BABAM2: variants seen among roughly 807,000 people sequenced by gnomAD.
The protein encoded by BABAM2 is BRISC and BRCA1-A complex member 2.
BABAM2 carries 31 observed loss-of-function variants against 54.7 expected under a neutral mutation model. The ratio of observed to expected loss-of-function variants is 0.57; its 90% CI spans 0.43 to 0.77. The LOEUF (loss-of-function observed/expected upper bound fraction) is 0.77. Ranked by LOEUF, BABAM2 falls within the 30% of genes least tolerant of loss-of-function variation. The probability of loss-of-function intolerance (pLI) is 0.00; values close to 1 mark genes in which losing one functional copy is unlikely to be tolerated. For synonymous variants in BABAM2, 167 were observed against 162.9 expected, an observed-to-expected ratio of 1.03 and a Z score of -0.19; for missense variants, 364 against 455.8, an observed-to-expected ratio of 0.80 and a Z score of 1.83.
chr2:28,297,871 T>G (rs1161885361), intron 10 of BABAM2, among the ~76,000 whole-genome samples: 3 of 152,216 alleles, frequency 2.0e-5, no homozygotes, highest in Non-Finnish European at 4.4e-5. Context: ...AAACAGCCTC[T>G]GTCCCACTGC....
chr2:28,136,330 T>C (rs1670535619), intron 7 of BABAM2, among the ~76,000 whole-genome samples: 1 of 152,238 alleles, frequency 6.6e-6, no homozygotes. Flanking sequence ...ATGCCTCCTT[T>C]GTCATATTGC....
At chr2:28,317,915 G>A (rs778798648) in intron 11 of BABAM2, among the ~76,000 whole-genome samples, 6 of 152,174 alleles carry the variant, frequency 3.9e-5, no homozygotes, top group African/African-American at 9.6e-5. Flanking sequence ...GGCTGTAACC[G>A]ATGGTTATAT....
intron 7 of BABAM2, among the ~76,000 whole-genome samples, chr2:28,129,932 C>T (rs982063315): frequency 1.3e-5 from 2 of 152,146 alleles, no homozygotes; most frequent in African/African-American, 2.4e-5. Context: ...AGTTTGATAT[C>T]GCATTTGTGT....
intron 5 of BABAM2, among the ~76,000 whole-genome samples, chr2:28,026,853 TATATATATAG>T (rs1558667149): frequency 3.1e-4 from 4 of 12,778 alleles, no homozygotes; most frequent in Non-Finnish European, 5.4e-4. Context: ...AATATATATT[TATATATATAG>T]ATATATATAT....
At chr2:28,208,029 C>CTGTGTGTGTG (rs4043353) in intron 7 of BABAM2, among the ~76,000 whole-genome samples, 1 of 149,716 alleles carries the variant, frequency 6.7e-6, no homozygotes, top group African/African-American at 2.5e-5. Context: ...GTGTTAAAGG[C>CTGTGTGTGTG]TGTGTGTGTG....
intron 2 of BABAM2, among the ~76,000 whole-genome samples, chr2:27,895,622 A>G (rs892036048): frequency 6.6e-6 from 1 of 152,144 alleles, no homozygotes; most frequent in African/African-American, 2.4e-5. Flanking sequence ...TTCTCCTTGT[A>G]ATTAGTTAAG....
At chr2:28,028,395 AC>A (rs1676033901) in intron 5 of BABAM2, among the ~76,000 whole-genome samples, 1 of 149,882 alleles carries the variant, frequency 6.7e-6, no homozygotes. Flanking sequence ...ACACACCTAC[AC>A]CCCCCGCCCC....
chr2:28,043,833 G>A (rs908017619), intron 5 of BABAM2, among the ~76,000 whole-genome samples: 1 of 152,182 alleles, frequency 6.6e-6, no homozygotes, highest in African/African-American at 2.4e-5. Flanking sequence ...TAGATCCTTA[G>A]TGGCTCTTAA....
At chr2:27,896,863 A>G in intron 2 of BABAM2, 1 of 206,034 alleles carries the variant, frequency 4.9e-6, no homozygotes, top group South Asian at 6.9e-5. Context: ...GGTGACAGGG[A>G]GCTCGTGGTC....
rs1401761393 is a variant in BABAM2 at position 28,082,552 on chromosome 2, T to C, written c.570+36753T>C. 5.9e-5 allele frequency among the ~76,000 whole-genome samples: 9 copies of C among 152,230 alleles called. No homozygotes were observed. The South Asian group carries it at 1.9e-3, about 32-fold the overall frequency. ...CTAATACCTGTCTCACAGTGTTAAG[T>C]TGTGAGGATGAAATAAAATAATGCC... On this transcript the variant is annotated intron_variant, in intron 6 of 11. Coordinates refer to ENST00000379624, the MANE Select transcript of BABAM2 (RefSeq NM_199191.3).
At chr2:28,327,530 A>C in intron 11 of BABAM2, 1 of 1,436,216 alleles carries the variant, frequency 7.0e-7, no homozygotes, top group Non-Finnish European at 9.3e-7. Context: ...GATCTCAGTC[A>C]GTTGTTGTTG....
At chr2:28,140,384 C>T (rs1415843717) in intron 7 of BABAM2, among the ~76,000 whole-genome samples, 1 of 152,024 alleles carries the variant, frequency 6.6e-6, no homozygotes, top group East Asian at 1.9e-4. Context: ...TTTATATGGG[C>T]ATAGGAGAAG....
chr2:27,948,372 T>C (rs989549194), intron 3 of BABAM2, among the ~76,000 whole-genome samples: 5 of 152,318 alleles, frequency 3.3e-5, no homozygotes, highest in Middle Eastern at 3.4e-3. Flanking sequence ...TAGAAAATTA[T>C]GCCATCTGTG....
At chr2:27,946,927 C>T (rs538403231) in intron 3 of BABAM2, among the ~76,000 whole-genome samples, 2 of 152,102 alleles carry the variant, frequency 1.3e-5, no homozygotes, top group African/African-American at 4.8e-5. Flanking sequence ...CCTGTGTGAC[C>T]TGTACTCATT....
chr2:27,928,833 A>G (rs549264490), intron 2 of BABAM2, among the ~76,000 whole-genome samples: 1 of 152,114 alleles, frequency 6.6e-6, no homozygotes, highest in South Asian at 2.1e-4. Flanking sequence ...AGTTGAACTT[A>G]TGACTTCTAA....
rs898489232 is a variant in BABAM2, at chr2:27,946,838, G to T, written c.205+16930G>T. ...GAGTTTTTACAGCCTTGTCTTTTAA[G>T]GAATTTGTTCATTTCATCCAAGTTG... On this transcript the variant is annotated intron_variant, in intron 3 of 11. Coordinates refer to ENST00000379624, the MANE Select transcript of BABAM2 (RefSeq NM_199191.3). Among the ~76,000 whole-genome samples, 6 of 152,098 alleles carry T rather than the reference G, an allele frequency of 3.9e-5. No homozygotes were observed. In the South Asian group the frequency reaches 6.2e-4, roughly 16 times the overall value.
chr2:27,918,090 T>C lies in BABAM2; in HGVS notation c.129-11742T>C, dbSNP rs575188194. ...GCAAATTTCCTACCAAAGTTTTTCT[T>C]ACTGTGGTAAAATACATGTAACATA... is the stretch of plus-strand genomic sequence containing the variant. On this transcript the variant is annotated intron_variant, in intron 2 of 11. Transcript: ENST00000379624. 2.6e-5 allele frequency among the ~76,000 whole-genome samples: 4 copies of C among 152,330 alleles called. No individual in the cohort carries two copies. In the South Asian group the frequency reaches 8.3e-4, roughly 32 times the overall value.
intron 5 of BABAM2, among the ~76,000 whole-genome samples, chr2:28,034,904 T>G (rs565022275): frequency 6.6e-6 from 1 of 152,260 alleles, no homozygotes; most frequent in East Asian, 1.9e-4. Flanking sequence ...CAGGGAGTGT[T>G]TACCTTAATG....
chr2:28,255,613 A>T (rs534967730), intron 10 of BABAM2, among the ~76,000 whole-genome samples: 72 of 152,218 alleles, frequency 4.7e-4, no homozygotes, highest in African/African-American at 1.5e-3. Flanking sequence ...TAGAATTCTT[A>T]GCACTAGAAT....
Sources: gnomAD v4.1 joint callset for allele counts (sites outside exome capture counted in the v4.1 genomes callset) on GRCh38, gnomAD v4.1.1 for gene constraint, MANE v1.5 for transcripts, NCBI Gene and HGNC (gene_info 2026-07-23, HGNC 2026-07-21) for gene names.